Variants in CDH13 observed in about 807,000 individuals in gnomAD.
CDH13 encodes cadherin-13.
Under a neutral mutation model 63.8 loss-of-function variants are expected in CDH13, and 24 were observed. That is an observed-to-expected ratio of 0.38 (90% CI 0.27 to 0.53). The LOEUF (loss-of-function observed/expected upper bound fraction) is 0.53, where lower values mean the gene tolerates loss of function less well. Ranked by LOEUF, CDH13 falls within the 20% of genes least tolerant of loss-of-function variation. The pLI is 0.85. For synonymous variants in CDH13, 503 were observed against 355.3 expected (o/e 1.42, Z -4.67); for missense variants, 1,049 against 903.1 (o/e 1.16, Z -2.07).
At chr16:83,591,491 G>A (rs1406252059) in intron 7 of CDH13, among the ~76,000 whole-genome samples, 2 of 152,190 alleles carry the variant, frequency 1.3e-5, no homozygotes, top group East Asian at 3.8e-4. Context: ...TGAAGGTAGG[G>A]CAGGACGAGA....
chr16:83,478,271 CCA>C (rs914519466), intron 6 of CDH13, among the ~76,000 whole-genome samples: 2 of 152,132 alleles, frequency 1.3e-5, no homozygotes, highest in African/African-American at 4.8e-5. Flanking sequence ...GGCACACGCT[CCA>C]GTTTGCCACC....
intron 6 of CDH13, among the ~76,000 whole-genome samples, chr16:83,356,569 G>A (rs2091061757): frequency 6.6e-6 from 1 of 152,140 alleles, no homozygotes; most frequent in Admixed American, 6.5e-5. Flanking sequence ...TGAGAACGCA[G>A]TCTAGAGCTG....
At chr16:82,929,133 T>G (rs891431543) in intron 2 of CDH13, among the ~76,000 whole-genome samples, 5 of 152,184 alleles carry the variant, frequency 3.3e-5, no homozygotes, top group Admixed American at 6.5e-5. Flanking sequence ...GTTGATACCA[T>G]TTGTTTTTAA....
chr16:82,675,174 C>G (rs904118514), intron 1 of CDH13, among the ~76,000 whole-genome samples: 1 of 152,150 alleles, frequency 6.6e-6, no homozygotes, highest in African/African-American at 2.4e-5. Context: ...GTGTAAAAGA[C>G]ACACTACAGT....
chr16:83,348,964 C>G (rs891499826), intron 6 of CDH13, among the ~76,000 whole-genome samples: 1 of 152,222 alleles, frequency 6.6e-6, no homozygotes, highest in Admixed American at 6.5e-5. Context: ...CATCTTCCAG[C>G]AAACCACGCG....
chr16:82,822,679 G>C (rs2151097744), intron 1 of CDH13, among the ~76,000 whole-genome samples: 1 of 152,262 alleles, frequency 6.6e-6, no homozygotes, highest in Non-Finnish European at 1.5e-5. Context: ...TTTTTCTGTA[G>C]AAATTGGGTC....
At chr16:83,033,027 G>A (rs1916514332) in intron 3 of CDH13, among the ~76,000 whole-genome samples, 1 of 152,134 alleles carries the variant, frequency 6.6e-6, no homozygotes, top group Non-Finnish European at 1.5e-5. Context: ...ATATGGTGCT[G>A]TATGTGTATA....
At chr16:82,993,493 C>A (rs1302734078) in intron 2 of CDH13, among the ~76,000 whole-genome samples, 1 of 152,140 alleles carries the variant, frequency 6.6e-6, no homozygotes, top group African/African-American at 2.4e-5. Context: ...CTTTGACTTC[C>A]TCGCCAGCCT....
At position 82,867,918 on chromosome 16, in the gene CDH13, G is replaced by GAC. The variant is rs201497350; in HGVS notation, c.157+9446_157+9447insCA. ...TATCTGTCTACATTCTCTATCTTGA[G>GAC]AACTTCCTAGATTCTTTTACTTTTG... On this transcript the variant is annotated intron_variant, in intron 2 of 13. Transcript: ENST00000567109. Among the ~76,000 whole-genome samples, 1,395 of 152,262 alleles carry GAC rather than the reference G, an allele frequency of 9.2e-3. 23 individuals are homozygous for GAC. The highest frequency in any genetic ancestry group is 0.032 in the African/African-American group (1,319 of 41,550).
Position 82,955,582 on chromosome 16 carries a change from T to C in CDH13, c.158-76428T>C, listed in dbSNP as rs148550677. Among the ~76,000 whole-genome samples, 137 of 145,594 alleles carry C rather than the reference T, an allele frequency of 9.4e-4. 2 individuals are homozygous for C. The East Asian group carries it at 0.025, about 26-fold the overall frequency. Reference sequence around the variant, plus strand: ...TATACAGGTGGCAGTTCATTAAACATGCATTCGTTTTTGTTTTTATTTGGC... The same window carrying C: ...TATACAGGTGGCAGTTCATTAAACACGCATTCGTTTTTGTTTTTATTTGGC... On this transcript the variant is annotated intron_variant, in intron 2 of 13. Coordinates refer to ENST00000567109, the MANE Select transcript of CDH13 (RefSeq NM_001257.5).
Position 83,702,122 on chromosome 16 carries a change from A to G in CDH13, c.1538+23661A>G, listed in dbSNP as rs951307271. ...AATCATCCCAAATATACCTTGTGCT[A>G]AGAACCTTTCCTCATCATTTCCTTG... On this transcript the variant is annotated intron_variant, in intron 10 of 13. Coordinates refer to ENST00000567109, the MANE Select transcript of CDH13 (RefSeq NM_001257.5). Among the ~76,000 whole-genome samples the G allele has an allele frequency of 3.3e-5, 5 of 152,210 alleles. No individual in the cohort carries two copies. The East Asian group carries it at 9.6e-4, about 29-fold the overall frequency.
intron 5 of CDH13, among the ~76,000 whole-genome samples, chr16:83,220,179 A>C (rs1197885933): frequency 6.6e-6 from 1 of 152,180 alleles, no homozygotes; most frequent in East Asian, 1.9e-4. Flanking sequence ...TGTTTTCATC[A>C]TACCCGCACT....
chr16:83,228,687 C>T (rs539226141), intron 5 of CDH13, among the ~76,000 whole-genome samples: 5 of 152,226 alleles, frequency 3.3e-5, no homozygotes, highest in Admixed American at 1.3e-4. Flanking sequence ...CAGCGGAGTG[C>T]GTGCAGTTTA....
At chr16:83,051,117 C>G (rs114527928) in intron 3 of CDH13, among the ~76,000 whole-genome samples, 2 of 152,060 alleles carry the variant, frequency 1.3e-5, no homozygotes, top group African/African-American at 4.8e-5. Flanking sequence ...ATTGACTTCC[C>G]AAAGAATAAC....
chr16:83,598,104 G>A (rs1356820267), intron 7 of CDH13, among the ~76,000 whole-genome samples: 2 of 152,172 alleles, frequency 1.3e-5, no homozygotes, highest in East Asian at 3.9e-4. Context: ...AGTGGCTCAT[G>A]CCTATAATCA....
rs747867423 is a variant in CDH13, at chr16:83,678,239, C to T, written c.1316C>T (p.Thr439Ile). 1.9e-6 allele frequency: 3 copies of T among 1,613,750 alleles called. No homozygotes were observed. Among genetic ancestry groups the T allele is most frequent in the Non-Finnish European group, 2.5e-6 (3 of 1,179,704 alleles). ...PLDYEISAFH[T>I]LLIKVENEDP... ...GACTATGAAATTTCTGCCTTCCACA[C>T]CCTGCTGATCAAAGTGGAAAATGAA... Residue 439 changes from threonine (T) to isoleucine (I), a missense_variant, in exon 10 of 14, where the codon ACC (threonine) becomes ATC (isoleucine). Physicochemically the swap from Thr to Ile is moderately conservative, Grantham distance 89 (BLOSUM62 -1). Coordinates refer to ENST00000567109, the MANE Select transcript of CDH13 (RefSeq NM_001257.5).
intron 6 of CDH13, among the ~76,000 whole-genome samples, chr16:83,474,622 C>A (rs1335237750): frequency 6.6e-6 from 1 of 152,146 alleles, no homozygotes; most frequent in Non-Finnish European, 1.5e-5. Flanking sequence ...AGAAGTATTT[C>A]ATTAAAAAGG....
chr16:83,313,729 A>T (rs2151887994), intron 5 of CDH13, among the ~76,000 whole-genome samples: 1 of 152,122 alleles, frequency 6.6e-6, no homozygotes, highest in Non-Finnish European at 1.5e-5. Flanking sequence ...ACCTATAATG[A>T]ATTACAATTG....
chr16:83,238,028 C>T (rs1036359387), intron 5 of CDH13, among the ~76,000 whole-genome samples: 3 of 152,176 alleles, frequency 2.0e-5, no homozygotes, highest in African/African-American at 4.8e-5. Context: ...TTGCTTGCTA[C>T]TGCACTGGGT....
Sources: gnomAD v4.1 joint callset for allele counts (sites outside exome capture counted in the v4.1 genomes callset) on GRCh38, gnomAD v4.1.1 for gene constraint, MANE v1.5 for transcripts, NCBI Gene and HGNC (gene_info 2026-07-23, HGNC 2026-07-21) for gene names.